EFHC1: variants seen among roughly 807,000 people sequenced by gnomAD.
EFHC1 encodes the protein EF-hand domain-containing protein 1.
A neutral mutation model predicts 69.9 loss-of-function variants in EFHC1; 53 were observed. The observed-to-expected ratio is 0.76, with a 90% CI of 0.61 to 0.95. EFHC1 has a LOEUF of 0.95. EFHC1 is among the 40% of genes least tolerant of loss of function. The pLI, the probability that EFHC1 is intolerant of heterozygous loss-of-function variation, is 0.00. For synonymous variants in EFHC1, 256 were observed against 278.4 expected (o/e 0.92, Z 0.80); for missense variants, 739 against 798.7 (o/e 0.93, Z 0.90).
At chr6:52,486,458 C>T (rs2114032263) in intron 9 of EFHC1, 1 of 152,324 alleles carries the variant, frequency 6.6e-6, no homozygotes, top group Admixed American at 6.5e-5. Context: ...GTTCCATTAA[C>T]ATGCCTATTT....
At chr6:52,452,451 C>A (rs923941903) in intron 3 of EFHC1, among the ~76,000 whole-genome samples, 2 of 152,114 alleles carry the variant, frequency 1.3e-5, no homozygotes, top group African/African-American at 2.4e-5. Flanking sequence ...CAGGCAAATG[C>A]CATCAAACCA....
chr6:52,459,894 T>G (rs925097239), intron 5 of EFHC1, among the ~76,000 whole-genome samples: 3 of 152,200 alleles, frequency 2.0e-5, no homozygotes, highest in Non-Finnish European at 4.4e-5. Flanking sequence ...CAGGATGGTC[T>G]CGATCTCCTG....
At chr6:52,488,959 ATC>A (rs1158259471) in intron 9 of EFHC1, 1 of 152,224 alleles carries the variant, frequency 6.6e-6, no homozygotes. Flanking sequence ...TTATAGATGT[ATC>A]TTTGCATACA....
At position 52,494,479 on chromosome 6, in the gene EFHC1, G is replaced by A. The variant is rs1424112556; in HGVS notation, c.*2138G>A. On this transcript the variant is annotated 3_prime_UTR_variant, in exon 11 of 11. Coordinates refer to ENST00000371068, the MANE Select transcript of EFHC1 (RefSeq NM_018100.4). ...GGAAAGGTTAAGCGGGTAGAAACCAGAGAAAAAGGGCAAAGTCTTATTTCT... is the reference window on the plus strand; with the variant it reads ...GGAAAGGTTAAGCGGGTAGAAACCAAAGAAAAAGGGCAAAGTCTTATTTCT... 3 of 453,990 alleles carry A rather than the reference G, an allele frequency of 6.6e-6. No individual in the cohort carries two copies. Among genetic ancestry groups the A allele is most frequent in the African/African-American group, 6.0e-5 (3 of 49,994 alleles). The allele number at this position is 453,990 out of a possible 1,614,324, so 28.1% of individuals were successfully genotyped here. A position where few individuals can be genotyped will look rare whatever the true frequency, so the allele number is the denominator to read the frequency against.
chr6:52,494,530 G>A lies in EFHC1; in HGVS notation c.*2189G>A. ...GTGGCTAGTAATGTCGTAATGTGGG[G>A]CCAGGTCTGAGTGACATGTGCCGAA... On this transcript the variant is annotated 3_prime_UTR_variant, in exon 11 of 11. Transcript: ENST00000371068. The A allele has an allele frequency of 8.8e-6, 4 of 454,148 alleles. No individual in the cohort carries two copies. Among genetic ancestry groups the A allele is most frequent in the Non-Finnish European group, 1.8e-5 (4 of 226,806 alleles). 28.1% of individuals were successfully genotyped at this position (454,148 alleles called of 1,614,324 possible). A position where few individuals can be genotyped will look rare whatever the true frequency, so the allele number is the denominator to read the frequency against.
chr6:52,465,061 C>T lies in EFHC1; in HGVS notation c.1083C>T (p.Ile361=). The T allele has an allele frequency of 6.2e-7, 1 of 1,614,086 alleles. No homozygotes were observed. Among genetic ancestry groups the T allele is most frequent in the Non-Finnish European group, 8.5e-7 (1 of 1,180,032 alleles). ...GGTATTACAAAGAGAAGTTTGGAAT[C>T]ACTGATTTACCACGTATTGATGTGA... ...TRRYYKEKFG[I]TDLPRIDVSK... Residue 361 remains isoleucine, a synonymous_variant, in exon 6 of 11, where the codon ATC becomes ATT. Transcript: ENST00000371068.
rs141188326 is a variant in EFHC1 at position 52,444,633 on chromosome 6, G to T, written c.573+6042G>T. On this transcript the variant is annotated intron_variant, in intron 3 of 10. Coordinates refer to ENST00000371068, the MANE Select transcript of EFHC1 (RefSeq NM_018100.4). ...TTGAACCAGCCTTGCATCCAAGGGAGGAAGCCAACTTGATCGTGGTGGATA... is the reference window on the plus strand; with the variant it reads ...TTGAACCAGCCTTGCATCCAAGGGATGAAGCCAACTTGATCGTGGTGGATA... Among the ~76,000 whole-genome samples, 845 of 152,268 alleles carry T rather than the reference G, an allele frequency of 5.5e-3. 8 individuals carry two copies. Among genetic ancestry groups the T allele is most frequent in the African/African-American group, 0.019 (794 of 41,568 alleles).
intron 2 of EFHC1, among the ~76,000 whole-genome samples, chr6:52,427,554 CTT>C (rs58307591): frequency 0.078 from 11,477 of 147,488 alleles, 914 homozygotes; most frequent in African/African-American, 0.2. Context: ...ACTTCCCTCT[CTT>C]TTTTTTTTTT....
At chr6:52,474,113 T>C (rs1765495070) in intron 7 of EFHC1, among the ~76,000 whole-genome samples, 1 of 152,098 alleles carries the variant, frequency 6.6e-6, no homozygotes, top group Non-Finnish European at 1.5e-5. Flanking sequence ...ACTTGAACCC[T>C]ATGTCATAGG....
chr6:52,429,573 C>G (rs1764373811), intron 2 of EFHC1, among the ~76,000 whole-genome samples: 1 of 152,098 alleles, frequency 6.6e-6, no homozygotes, highest in Non-Finnish European at 1.5e-5. Flanking sequence ...TATACCAGTA[C>G]CATGCTGTTT....
chr6:52,485,297 A>G (rs991750031), intron 9 of EFHC1: 2 of 152,252 alleles, frequency 1.3e-5, no homozygotes, highest in Non-Finnish European at 2.9e-5. Context: ...TTGCTTCAGC[A>G]TACCACTAAT....
intron 3 of EFHC1, among the ~76,000 whole-genome samples, chr6:52,452,161 A>G (rs1284387005): frequency 6.6e-6 from 1 of 152,258 alleles, no homozygotes; most frequent in Admixed American, 6.5e-5. Context: ...ATAACAATAT[A>G]AAATACTTCA....
Position 52,438,477 on chromosome 6 carries a change from G to C in EFHC1, c.459G>C (p.Arg153=). The stretch of plus-strand genomic sequence containing the variant: ...AAGGCAAGTTAATAAAACGCCAGCG[G>C]CTAGCCAAGAATGACCGGGGTGACC... ...ILQGKLIKRQ[R]LAKNDRGDHY... The change falls in exon 3 of 11, where the codon CGG becomes CGC. Residue 153 remains arginine (R), a synonymous_variant. Transcript: ENST00000371068. 6.2e-7 allele frequency: 1 copy of C among 1,614,048 alleles called. No individual in the cohort carries two copies. Among genetic ancestry groups the C allele is most frequent in the Non-Finnish European group, 8.5e-7 (1 of 1,179,982 alleles).
At chr6:52,446,699 C>T (rs930196514) in intron 3 of EFHC1, among the ~76,000 whole-genome samples, 5 of 152,168 alleles carry the variant, frequency 3.3e-5, no homozygotes, top group South Asian at 4.2e-4. Flanking sequence ...TGGCTGGTAC[C>T]GGTTGTTCCT....
rs770182350 is a variant in EFHC1, at chr6:52,492,313, A to G, written c.1895A>G (p.Tyr632Cys). ...CATGGAGAAGGCAAAATTAACTACTATAACTTTGTTCGTGCTTTCTCAAAC... is the reference window on the plus strand; with the variant it reads ...CATGGAGAAGGCAAAATTAACTACTGTAACTTTGTTCGTGCTTTCTCAAAC... ...CSHGEGKINY[Y>C]NFVRAFSN The change falls in exon 11 of 11, where the codon TAT (tyrosine) becomes TGT (cysteine). Residue 632 changes from tyrosine (Y) to cysteine (C), a missense_variant. By Grantham distance (194) the Tyr-to-Cys change is radical. Transcript: ENST00000371068. The G allele has an allele frequency of 6.8e-6, 11 of 1,614,084 alleles. No individual in the cohort carries two copies. The highest frequency in any genetic ancestry group is 1.7e-4 in the Middle Eastern group (1 of 6,060).
intron 2 of EFHC1, 59 bp downstream of exon 2, chr6:52,424,226 A>G: frequency 6.7e-7 from 1 of 1,498,922 alleles, no homozygotes; most frequent in Non-Finnish European, 9.2e-7. Flanking sequence ...AACTGCTTGC[A>G]AAAAAGTTAA....
chr6:52,469,638 G>A (rs1354470586), intron 7 of EFHC1, among the ~76,000 whole-genome samples, 165 bp downstream of exon 7: 1 of 152,170 alleles, frequency 6.6e-6, no homozygotes, highest in East Asian at 1.9e-4. Flanking sequence ...ATAGTATTAA[G>A]TATGGTGCCC....
At chr6:52,425,950 C>T (rs1406262499) in intron 2 of EFHC1, among the ~76,000 whole-genome samples, 3 of 152,284 alleles carry the variant, frequency 2.0e-5, no homozygotes, top group Non-Finnish European at 4.4e-5. Context: ...CTCATCTTTT[C>T]CCCTTGCTCC....
rs1176407591 is a variant in EFHC1, at chr6:52,494,734, C to T, written c.*2393C>T. ...CTGGTAGTCCCCAGTGTCTATTGTT[C>T]CCATCATTATGTCTATGTGTATTCA... is the stretch of plus-strand genomic sequence containing the variant. On this transcript the variant is annotated 3_prime_UTR_variant, in exon 11 of 11. Transcript: ENST00000371068. 2.2e-6 allele frequency: 1 copy of T among 453,870 alleles called. No homozygotes were observed. The highest frequency in any genetic ancestry group is 4.4e-6 in the Non-Finnish European group (1 of 226,782). 28.1% of individuals were successfully genotyped at this position (453,870 alleles called of 1,614,324 possible).
Sources: gnomAD v4.1 joint callset for allele counts (sites outside exome capture counted in the v4.1 genomes callset) on GRCh38, gnomAD v4.1.1 for gene constraint, MANE v1.5 for transcripts, NCBI Gene and HGNC (gene_info 2026-07-23, HGNC 2026-07-21) for gene names.